Variants in TTC7B observed in about 807,000 individuals in gnomAD.
TTC7B encodes tetratricopeptide repeat protein 7B.
In TTC7B, 28 loss-of-function variants were observed where a neutral mutation model predicts 106.8. That is an observed-to-expected ratio of 0.26 (90% confidence interval 0.19 to 0.36). TTC7B has a LOEUF of 0.36. Among genes scored for constraint, TTC7B ranks in the 10% least tolerant of loss-of-function variants. TTC7B has a pLI of 1.00. For synonymous variants in TTC7B, 405 were observed against 430.6 expected (o/e 0.94, Z 0.74); for missense variants, 862 against 1,076.4 (o/e 0.80, Z 2.79).
chr14:90,633,691 C>T (rs1021566753), intron 15 of TTC7B, among the ~76,000 whole-genome samples: 5 of 152,078 alleles, frequency 3.3e-5, no homozygotes, highest in African/African-American at 4.8e-5. Context: ...TACCTTCTAC[C>T]TTTTTGGGCC....
At chr14:90,544,374 C>T (rs1306310471) in intron 19 of TTC7B, among the ~76,000 whole-genome samples, 1 of 151,946 alleles carries the variant, frequency 6.6e-6, no homozygotes, top group East Asian at 1.9e-4. Context: ...GGTGGCCAAA[C>T]AGCCGAGGGT....
At chr14:90,699,331 C>A in intron 5 of TTC7B, 1 of 409,920 alleles carries the variant, frequency 2.4e-6, no homozygotes, top group Non-Finnish European at 4.8e-6. Context: ...ATCATTTCAG[C>A]TTGTAATGAG....
intron 3 of TTC7B, among the ~76,000 whole-genome samples, chr14:90,774,316 T>C (rs1890957114): frequency 1.3e-5 from 2 of 152,252 alleles, no homozygotes; most frequent in Non-Finnish European, 2.9e-5. Context: ...CAGCTGCCAC[T>C]GAAGTCAGTT....
At chr14:90,593,879 C>T in intron 17 of TTC7B, 1 of 353,428 alleles carries the variant, frequency 2.8e-6, no homozygotes, top group East Asian at 4.4e-5. Context: ...GGTGTGAGTG[C>T]TGGCAGATGG....
At position 90,535,268 on chromosome 14, in the gene TTC7B, C is replaced by T. The variant is rs568798657; in HGVS notation, c.*6100G>A. 2 of 152,594 alleles carry T rather than the reference C, an allele frequency of 1.3e-5. No individual in the cohort carries two copies. The highest frequency in any genetic ancestry group is 4.8e-5 in the African/African-American group (2 of 41,586). The allele number at this position is 152,594 out of a possible 1,614,324, so 9.5% of individuals were successfully genotyped here. ...GCCCAGGCCCCCAGCCTGGCTCTGT[C>T]CTGAGATCCTCTTGGCTGAGTGGGG... is the stretch of plus-strand genomic sequence containing the variant. On this transcript the variant is annotated 3_prime_UTR_variant, in exon 20 of 20. Coordinates refer to ENST00000328459, the MANE Select transcript of TTC7B (RefSeq NM_001010854.2).
In TTC7B at chr14:90,786,188, G is replaced by C; in HGVS notation, c.262C>G (p.Arg88Gly). 1 of 1,557,544 alleles carries C rather than the reference G, an allele frequency of 6.4e-7. No homozygotes were observed. The highest frequency in any genetic ancestry group is 8.7e-7 in the Non-Finnish European group (1 of 1,155,418). The change falls in exon 2 of 20, where the codon CGA (arginine) becomes GGA (glycine). Residue 88 changes from arginine to glycine, a missense_variant. Arg to Gly is a moderately radical substitution (Grantham distance 125, BLOSUM62 -2). Coordinates refer to ENST00000328459, the MANE Select transcript of TTC7B (RefSeq NM_001010854.2). ...VRKHLTAALDRGNLKSEFLQE... is the reference protein window; with the variant it reads ...VRKHLTAALDGGNLKSEFLQE... ...GCCCATGGTACCTTAAGGTTCCCTC[G>C]GTCCAGGGCGGCGGTCAGATGCTTG...
intron 19 of TTC7B, among the ~76,000 whole-genome samples, chr14:90,561,817 G>C (rs1010052237): frequency 6.6e-6 from 1 of 152,244 alleles, no homozygotes; most frequent in Non-Finnish European, 1.5e-5. Flanking sequence ...GCTGAGAGCA[G>C]ACTGGGGCTG....
chr14:90,702,214 C>G (rs1888019466), intron 5 of TTC7B, among the ~76,000 whole-genome samples: 2 of 152,214 alleles, frequency 1.3e-5, no homozygotes, highest in Admixed American at 1.3e-4. Flanking sequence ...ATGGAAATAA[C>G]AACTGTACCC....
intron 3 of TTC7B, among the ~76,000 whole-genome samples, chr14:90,778,724 G>A (rs535873669): frequency 1.3e-5 from 2 of 152,348 alleles, no homozygotes; most frequent in African/African-American, 4.8e-5. Flanking sequence ...GCCGAATGCT[G>A]TCAGGACCCC....
At chr14:90,720,132 C>T (rs528328823) in intron 5 of TTC7B, among the ~76,000 whole-genome samples, 140 of 151,778 alleles carry the variant, frequency 9.2e-4, no homozygotes, top group African/African-American at 3.0e-3. Flanking sequence ...AAAGACTGGA[C>T]GCCCCTGACT....
chr14:90,698,536 G>A (rs1020408023), intron 5 of TTC7B: 1 of 152,164 alleles, frequency 6.6e-6, no homozygotes, highest in Non-Finnish European at 1.5e-5. Flanking sequence ...CCTTGCCTGA[G>A]AGAGTGCAAT....
intron 2 of TTC7B, among the ~76,000 whole-genome samples, chr14:90,782,713 T>C (rs1891259661): frequency 1.3e-5 from 2 of 152,138 alleles, no homozygotes; most frequent in South Asian, 4.1e-4. Flanking sequence ...TTCCCCAAGC[T>C]TCTAGCCTCT....
chr14:90,604,064 G>A (rs936524427), intron 17 of TTC7B, among the ~76,000 whole-genome samples: 12 of 152,314 alleles, frequency 7.9e-5, no homozygotes, highest in Admixed American at 7.8e-4. Flanking sequence ...TGCCTCCCCT[G>A]AAGAGTCAGG....
At chr14:90,669,236 TA>T (rs1886538567) in intron 9 of TTC7B, among the ~76,000 whole-genome samples, 1 of 152,132 alleles carries the variant, frequency 6.6e-6, no homozygotes, top group African/African-American at 2.4e-5. Flanking sequence ...AGCTCAAATA[TA>T]AGAGCAAAAT....
intron 3 of TTC7B, among the ~76,000 whole-genome samples, chr14:90,765,028 T>G (rs193140193): frequency 6.6e-6 from 1 of 152,218 alleles, no homozygotes; most frequent in African/African-American, 2.4e-5. Flanking sequence ...AGCAGCATTA[T>G]TAATAATAGT....
chr14:90,610,860 T>TGTCA, intron 16 of TTC7B, 21 bp from the exon 17 acceptor site: 2 of 1,581,858 alleles, frequency 1.3e-6, no homozygotes. Context: ...CAGCTACAAA[T>TGTCA]GTCAGTCACC....
Position 90,578,503 on chromosome 14 carries a change from G to A in TTC7B, c.2108-195C>T, listed in dbSNP as rs1028639447. ...TCCTATATGGGGACTGGAGTCACTC[G>A]TGTTGTGGGCCTTGCAGGGCAGGCA... is the stretch of plus-strand genomic sequence containing the variant. On this transcript the variant is annotated intron_variant, in intron 18 of 19. Coordinates refer to ENST00000328459, the MANE Select transcript of TTC7B (RefSeq NM_001010854.2). The surrounding 1 kb of genome is among the most constrained non-coding windows in gnomAD (Gnocchi z 4.7). 9.2e-5 allele frequency among the ~76,000 whole-genome samples: 14 copies of A among 152,142 alleles called. No individual in the cohort carries two copies. Among genetic ancestry groups the A allele is most frequent in the South Asian group, 4.2e-4 (2 of 4,812 alleles).
chr14:90,659,463 T>C (rs1004931449), intron 9 of TTC7B, among the ~76,000 whole-genome samples: 5 of 151,882 alleles, frequency 3.3e-5, no homozygotes, highest in Non-Finnish European at 5.9e-5. Flanking sequence ...CTGAAGTTAC[T>C]AGAAGAGATC....
intron 15 of TTC7B, among the ~76,000 whole-genome samples, chr14:90,628,009 T>C (rs1884525665): frequency 6.6e-6 from 1 of 151,858 alleles, no homozygotes; most frequent in African/African-American, 2.4e-5. Flanking sequence ...TTTCATATAA[T>C]GCCATCCGTG....
Sources: allele counts gnomAD v4.1 joint callset (sites outside exome capture counted in the v4.1 genomes callset), GRCh38; gene constraint gnomAD v4.1.1; non-coding constraint Gnocchi (gnomAD v3.1); transcripts MANE v1.5; gene names NCBI Gene and HGNC (gene_info 2026-07-23, HGNC 2026-07-21).